Variants in CNTNAP2 observed in about 807,000 individuals in gnomAD.
CNTNAP2 encodes the protein contactin associated protein 2.
Under a neutral mutation model 155.2 loss-of-function variants are expected in CNTNAP2, and 98 were observed. The observed-to-expected ratio is 0.63, with a 90% CI of 0.54 to 0.75. The LOEUF (loss-of-function observed/expected upper bound fraction) is 0.75. CNTNAP2 is among the 30% of genes least tolerant of loss of function. CNTNAP2 has a pLI of 0.00. For missense variants in CNTNAP2, 1,727 were observed against 1,688.1 expected, an observed-to-expected ratio of 1.02 and a Z score of -0.40; for synonymous variants, 651 against 631.2, an observed-to-expected ratio of 1.03 and a Z score of -0.47.
chr7:146,135,660 T>C (rs1286654016), intron 1 of CNTNAP2, among the ~76,000 whole-genome samples: 1 of 152,160 alleles, frequency 6.6e-6, no homozygotes, highest in Non-Finnish European at 1.5e-5. Context: ...TGTTTCCTAT[T>C]GACAATATTT....
intron 4 of CNTNAP2, among the ~76,000 whole-genome samples, chr7:147,059,730 A>G (rs1799627473): frequency 6.6e-6 from 1 of 152,154 alleles, no homozygotes; most frequent in Non-Finnish European, 1.5e-5. Context: ...AAGATGCAAA[A>G]CAGGTAATTA....
chr7:147,022,456 G>A (rs1215942356), intron 3 of CNTNAP2, among the ~76,000 whole-genome samples: 1 of 151,848 alleles, frequency 6.6e-6, no homozygotes. Context: ...AGTGTTCAGG[G>A]TTATCTACAA....
intron 2 of CNTNAP2, among the ~76,000 whole-genome samples, chr7:146,821,602 A>T (rs1803285147): frequency 6.6e-6 from 1 of 152,164 alleles, no homozygotes; most frequent in South Asian, 2.1e-4. Context: ...CAGAATCTAC[A>T]ATGAACTCCA....
At chr7:147,161,377 C>T (rs1294564109) in intron 8 of CNTNAP2, among the ~76,000 whole-genome samples, 3 of 152,084 alleles carry the variant, frequency 2.0e-5, no homozygotes, top group African/African-American at 7.2e-5. Context: ...CTTTTGAGCA[C>T]ATATGTGTAT....
intron 20 of CNTNAP2, among the ~76,000 whole-genome samples, chr7:148,260,606 G>A (rs943943748): frequency 6.6e-6 from 1 of 152,194 alleles, no homozygotes; most frequent in Non-Finnish European, 1.5e-5. Context: ...AAAATGGGGT[G>A]ATAAATAGAA....
intron 20 of CNTNAP2, chr7:148,263,190 G>C (rs1317745): frequency 0.11 from 15,980 of 152,148 alleles, 1,311 homozygotes; most frequent in African/African-American, 0.23. Context: ...AATGTTGAAG[G>C]CTTTCTGGAT....
At chr7:147,809,959 A>G (rs1353591156) in intron 13 of CNTNAP2, among the ~76,000 whole-genome samples, 1 of 152,194 alleles carries the variant, frequency 6.6e-6, no homozygotes, top group Non-Finnish European at 1.5e-5. Flanking sequence ...GTTTTACTGG[A>G]AACTGCCAGC....
chr7:146,935,986 C>T (rs1352560111), intron 3 of CNTNAP2, among the ~76,000 whole-genome samples: 2 of 152,154 alleles, frequency 1.3e-5, no homozygotes, highest in African/African-American at 4.8e-5. Context: ...TGCATTCAGA[C>T]ATCTCCAGAA....
intron 1 of CNTNAP2, among the ~76,000 whole-genome samples, chr7:146,655,050 T>G (rs1296758675): frequency 6.6e-6 from 1 of 152,126 alleles, no homozygotes; most frequent in Admixed American, 6.6e-5. Context: ...ATTATATAAT[T>G]ATAAATTTAT....
intron 4 of CNTNAP2, chr7:147,082,643 T>A (rs560572123): frequency 1.1e-3 from 173 of 152,288 alleles, no homozygotes; most frequent in African/African-American, 4.0e-3. Flanking sequence ...CTTTGAAAGA[T>A]CACAATTGTC....
chr7:146,517,059 C>G (rs966228146), intron 1 of CNTNAP2, among the ~76,000 whole-genome samples: 2 of 151,938 alleles, frequency 1.3e-5, no homozygotes, highest in African/African-American at 4.8e-5. Flanking sequence ...AGTTTTAAAT[C>G]CTATGCTGCT....
At chr7:146,437,233 A>T (rs1466401998) in intron 1 of CNTNAP2, among the ~76,000 whole-genome samples, 1 of 151,230 alleles carries the variant, frequency 6.6e-6, no homozygotes, top group African/African-American at 2.5e-5. Context: ...GAAACCATCT[A>T]CCCCAACCTC....
Position 147,528,449 on chromosome 7 carries a change from A to G in CNTNAP2, c.1778-33689A>G, listed in dbSNP as rs180885800. Among the ~76,000 whole-genome samples, 4 of 152,282 alleles carry G rather than the reference A, an allele frequency of 2.6e-5. No homozygotes were observed. The East Asian group carries it at 7.7e-4, about 29-fold the overall frequency. On this transcript the variant is annotated intron_variant, in intron 11 of 23. Coordinates refer to ENST00000361727, the MANE Select transcript of CNTNAP2 (RefSeq NM_014141.6). ...GCAGAGCATGAACAGAACCTTACTC[A>G]TTCTGTCTCTCACTTGGTCTCCCTC...
chr7:147,063,139 C>G (rs1799714910), intron 4 of CNTNAP2, among the ~76,000 whole-genome samples: 1 of 152,150 alleles, frequency 6.6e-6, no homozygotes, highest in African/African-American at 2.4e-5. Flanking sequence ...CCATAAGGAA[C>G]TAGTAGCAGA....
At chr7:146,784,385 T>G (rs1320739501) in intron 2 of CNTNAP2, among the ~76,000 whole-genome samples, 2 of 152,210 alleles carry the variant, frequency 1.3e-5, no homozygotes, top group African/African-American at 2.4e-5. Flanking sequence ...GAATAATTCA[T>G]TATTATAATA....
chr7:147,152,356 C>A (rs907384392), intron 8 of CNTNAP2, among the ~76,000 whole-genome samples: 1 of 151,896 alleles, frequency 6.6e-6, no homozygotes, highest in African/African-American at 2.4e-5. Context: ...TGCCTGGGTT[C>A]AAATCTACCA....
Position 146,116,872 on chromosome 7 carries a change from G to T in CNTNAP2, c.-5G>T, listed in dbSNP as rs1211928816. The T allele has an allele frequency of 6.5e-7, 1 of 1,542,610 alleles. No individual in the cohort carries two copies. Among genetic ancestry groups the T allele is most frequent in the Admixed American group, 2.0e-5 (1 of 51,038 alleles). On this transcript the variant is annotated 5_prime_UTR_variant, in exon 1 of 24. Transcript: ENST00000361727. This position sits in a 1 kb window ranked among gnomAD's most constrained non-coding sequence, Gnocchi z 5.5. Reference sequence around the variant, plus strand: ...CTTGGAGCGCCGCCGGCCGGGAGGCGAAGGATGCAGGCGGCTCCGCGCGCC... The same window carrying T: ...CTTGGAGCGCCGCCGGCCGGGAGGCTAAGGATGCAGGCGGCTCCGCGCGCC...
intron 8 of CNTNAP2, among the ~76,000 whole-genome samples, chr7:147,188,048 G>A (rs1802603964): frequency 6.6e-6 from 1 of 152,096 alleles, no homozygotes; most frequent in South Asian, 2.1e-4. Flanking sequence ...GTGACCAAGT[G>A]AGACTTCATC....
At chr7:146,797,708 A>G (rs1802796311) in intron 2 of CNTNAP2, among the ~76,000 whole-genome samples, 1 of 152,232 alleles carries the variant, frequency 6.6e-6, no homozygotes, top group South Asian at 2.1e-4. Flanking sequence ...ACAAGCTACC[A>G]CCAAAATCTC....
Sources: allele counts gnomAD v4.1 joint callset (sites outside exome capture counted in the v4.1 genomes callset), GRCh38; gene constraint gnomAD v4.1.1; non-coding constraint Gnocchi (gnomAD v3.1); transcripts MANE v1.5; gene names NCBI Gene and HGNC (gene_info 2026-07-23, HGNC 2026-07-21).